Variants in CSMD1 observed in about 807,000 individuals in gnomAD.
CSMD1 encodes the protein CUB and sushi domain-containing protein 1.
Under a neutral mutation model 417.5 loss-of-function variants are expected in CSMD1, and 213 were observed. The observed-to-expected ratio is 0.51, with a 90% CI of 0.46 to 0.57. The LOEUF is 0.57. CSMD1 is among the 20% of genes least tolerant of loss of function. The pLI is 0.00. For missense variants in CSMD1, 6,923 were observed against 4,529.7 expected (o/e 1.53, Z -15.17); for synonymous variants, 2,862 against 1,736.8 (o/e 1.65, Z -16.11).
chr8:3,543,069 A>C (rs1015002394), intron 10 of CSMD1, among the ~76,000 whole-genome samples: 8 of 152,198 alleles, frequency 5.3e-5, no homozygotes, highest in African/African-American at 1.9e-4. Flanking sequence ...CAAGTTGACA[A>C]CCAGTGCAAA....
intron 3 of CSMD1, among the ~76,000 whole-genome samples, chr8:4,243,866 T>A (rs1323331879): frequency 6.6e-6 from 1 of 152,172 alleles, no homozygotes; most frequent in African/African-American, 2.4e-5. Context: ...GTTATTGCCT[T>A]GATTTGTGGT....
intron 5 of CSMD1, among the ~76,000 whole-genome samples, chr8:3,775,784 A>G (rs2129060876): frequency 6.6e-6 from 1 of 152,338 alleles, no homozygotes; most frequent in South Asian, 2.1e-4. Flanking sequence ...AGGTCCACGA[A>G]GCATTGCTGG....
chr8:4,324,668 C>T (rs755857490), intron 3 of CSMD1, among the ~76,000 whole-genome samples: 5 of 152,198 alleles, frequency 3.3e-5, no homozygotes, highest in Non-Finnish European at 5.9e-5. Flanking sequence ...GAAGATCCAG[C>T]TCAGAGGATA....
At chr8:3,113,105 C>A (rs115933327) in intron 42 of CSMD1, 3,331 of 152,330 alleles carry the variant, frequency 0.022, 81 homozygotes, top group South Asian at 0.11. Flanking sequence ...GGAAGCGTAT[C>A]CCCCCTGCCT....
At chr8:3,600,904 G>A (rs1057211821) in intron 8 of CSMD1, among the ~76,000 whole-genome samples, 1 of 152,142 alleles carries the variant, frequency 6.6e-6, no homozygotes, top group Non-Finnish European at 1.5e-5. Context: ...TAAAAAAATG[G>A]TTTTGCTATG....
At chr8:4,375,598 G>A (rs1802682171) in intron 3 of CSMD1, among the ~76,000 whole-genome samples, 1 of 152,090 alleles carries the variant, frequency 6.6e-6, no homozygotes, top group South Asian at 2.1e-4. Flanking sequence ...TGAGGAAGAA[G>A]GCTCACTGGC....
At chr8:3,631,108 C>A (rs1796761009) in intron 7 of CSMD1, among the ~76,000 whole-genome samples, 1 of 152,172 alleles carries the variant, frequency 6.6e-6, no homozygotes, top group African/African-American at 2.4e-5. Context: ...CTGCTCAGCA[C>A]ACAGGTATCA....
intron 1 of CSMD1, among the ~76,000 whole-genome samples, chr8:4,803,826 T>C (rs1253279756): frequency 6.6e-6 from 1 of 152,216 alleles, no homozygotes; most frequent in African/African-American, 2.4e-5. Context: ...TAGAATATCC[T>C]TGACACAGTA....
chr8:4,343,187 G>A (rs576588997), intron 3 of CSMD1, among the ~76,000 whole-genome samples: 3 of 152,226 alleles, frequency 2.0e-5, no homozygotes, highest in African/African-American at 7.2e-5. Context: ...GAGTGCTTCA[G>A]CTTGCTTTGT....
intron 1 of CSMD1, among the ~76,000 whole-genome samples, chr8:4,802,211 A>C (rs1798328391): frequency 6.6e-6 from 1 of 152,194 alleles, no homozygotes; most frequent in African/African-American, 2.4e-5. Context: ...TTTTGCATCA[A>C]AGTACAATTG....
chr8:2,964,482 T>C (rs1319632072), intron 59 of CSMD1, among the ~76,000 whole-genome samples: 1 of 152,122 alleles, frequency 6.6e-6, no homozygotes, highest in Non-Finnish European at 1.5e-5. Context: ...AGGAGACAAG[T>C]TCAAGGAGGG....
chr8:3,264,604 A>G (rs571836488), intron 26 of CSMD1, among the ~76,000 whole-genome samples: 1 of 152,238 alleles, frequency 6.6e-6, no homozygotes, highest in Non-Finnish European at 1.5e-5. Context: ...TTATATTTGC[A>G]GAAAACGTAT....
intron 10 of CSMD1, among the ~76,000 whole-genome samples, chr8:3,556,554 T>TCTC (rs1799162973): frequency 6.9e-6 from 1 of 145,806 alleles, no homozygotes; most frequent in Non-Finnish European, 1.5e-5. Context: ...ACACACACCC[T>TCTC]CTCTCTCTTT....
At chr8:4,168,065 G>A (rs187753645) in intron 3 of CSMD1, among the ~76,000 whole-genome samples, 4 of 151,850 alleles carry the variant, frequency 2.6e-5, no homozygotes, top group Non-Finnish European at 5.9e-5. Context: ...GGAGGCAGAA[G>A]TTGTAGGGAG....
chr8:3,587,631 A>G (rs11992773), intron 8 of CSMD1, among the ~76,000 whole-genome samples: 111,615 of 152,032 alleles, frequency 0.73, 42,575 homozygotes, highest in Non-Finnish European at 0.85. Flanking sequence ...AACACTCTCT[A>G]GGGATTGCCA....
At chr8:3,284,093 A>G (rs1802952079) in intron 26 of CSMD1, 51 bp downstream of exon 26, 1 of 1,367,492 alleles carries the variant, frequency 7.3e-7, no homozygotes, top group African/African-American at 1.4e-5. Flanking sequence ...ATCTGTGTTC[A>G]TGACAAGACT....
At chr8:3,976,234 A>G (rs1813427694) in intron 5 of CSMD1, among the ~76,000 whole-genome samples, 1 of 152,180 alleles carries the variant, frequency 6.6e-6, no homozygotes, top group Non-Finnish European at 1.5e-5. Context: ...TACTTTAAAT[A>G]CCATTTTAAA....
intron 12 of CSMD1, among the ~76,000 whole-genome samples, chr8:3,461,021 T>C (rs1436864899): frequency 6.6e-6 from 1 of 152,076 alleles, no homozygotes; most frequent in Non-Finnish European, 1.5e-5. Flanking sequence ...GGAAAGCCCG[T>C]TGAGAGGATA....
At chr8:3,482,303 G>A (rs560260733) in intron 11 of CSMD1, among the ~76,000 whole-genome samples, 2 of 152,076 alleles carry the variant, frequency 1.3e-5, no homozygotes, top group South Asian at 4.2e-4. Flanking sequence ...CAATGACCCA[G>A]GCATATTGAT....
Sources: allele counts gnomAD v4.1 joint callset (sites outside exome capture counted in the v4.1 genomes callset), GRCh38; gene constraint gnomAD v4.1.1; transcripts MANE v1.5; gene names NCBI Gene and HGNC (gene_info 2026-07-23, HGNC 2026-07-21).